RELN: variants seen among roughly 807,000 people sequenced by gnomAD.
RELN encodes the protein reelin.
Under a neutral mutation model 427.6 loss-of-function variants are expected in RELN, and 108 were observed. That is an observed-to-expected ratio of 0.25 (90% confidence interval 0.22 to 0.30). The LOEUF (loss-of-function observed/expected upper bound fraction) is 0.30, where lower values mean the gene tolerates loss of function less well. Among genes scored for constraint, RELN ranks in the 10% least tolerant of loss-of-function variants. The pLI, the probability that RELN is intolerant of heterozygous loss-of-function variation, is 1.00. For synonymous variants in RELN, 1,524 were observed against 1,513.4 expected (o/e 1.01, Z -0.16); for missense variants, 3,715 against 4,302.8 (o/e 0.86, Z 3.82).
intron 20 of RELN, among the ~76,000 whole-genome samples, chr7:103,628,848 G>A (rs187429061): frequency 3.7e-3 from 556 of 152,276 alleles, no homozygotes; most frequent in South Asian, 0.02. Flanking sequence ...GAAGGTTGTG[G>A]GTTTTGGAAT....
rs1296535434 is a variant in RELN at position 103,640,626 on chromosome 7, G to C, written c.2003-17C>G. ...CAATATAAACTGTGGGAGGGAAAAA[G>C]AGAACATAATTACAAAAACATAGAA... On this transcript the variant is annotated splice_polypyrimidine_tract_variant and intron_variant, in intron 16 of 64. Transcript: ENST00000428762. The surrounding 1 kb of genome is among the most constrained non-coding windows in gnomAD (Gnocchi z 4.1). The C allele has an allele frequency of 1.9e-6, 3 of 1,613,052 alleles. No homozygotes were observed. The highest frequency in any genetic ancestry group is 1.1e-5 in the South Asian group (1 of 91,044).
chr7:103,880,420 T>C (rs1011345333), intron 2 of RELN, among the ~76,000 whole-genome samples: 45 of 152,176 alleles, frequency 3.0e-4, no homozygotes, highest in African/African-American at 9.2e-4. Flanking sequence ...CTATTTCAAA[T>C]GTGAGAAAAC....
intron 2 of RELN, among the ~76,000 whole-genome samples, chr7:103,885,322 G>C (rs191577169): frequency 5.0e-4 from 74 of 147,558 alleles, no homozygotes; most frequent in Admixed American, 1.7e-3. Context: ...CTGGGCGACA[G>C]AGCAAGACTC....
At chr7:103,971,476 A>G (rs921021830) in intron 1 of RELN, among the ~76,000 whole-genome samples, 3 of 152,230 alleles carry the variant, frequency 2.0e-5, no homozygotes, top group African/African-American at 7.2e-5. Flanking sequence ...GTAATGAGAC[A>G]GAAAATTATT....
At chr7:103,524,833 T>G (rs923610747) in intron 46 of RELN, among the ~76,000 whole-genome samples, 4 of 152,304 alleles carry the variant, frequency 2.6e-5, no homozygotes, top group African/African-American at 9.6e-5. Context: ...AACTGGTTTC[T>G]CCATAATTTT....
chr7:103,632,019 G>C (rs1347362115), intron 19 of RELN, among the ~76,000 whole-genome samples: 1 of 152,064 alleles, frequency 6.6e-6, no homozygotes, highest in Non-Finnish European at 1.5e-5. Context: ...GGAAAATAAA[G>C]TATTATTTTT....
At chr7:103,889,526 G>A (rs1794798594) in intron 2 of RELN, among the ~76,000 whole-genome samples, 1 of 152,160 alleles carries the variant, frequency 6.6e-6, no homozygotes, top group South Asian at 2.1e-4. Context: ...GGCTACCAGA[G>A]GGAAATCTTT....
chr7:103,722,872 T>C (rs988368809), intron 8 of RELN, among the ~76,000 whole-genome samples: 8 of 152,206 alleles, frequency 5.3e-5, no homozygotes, highest in Non-Finnish European at 1.0e-4. Context: ...AGCCAATGTA[T>C]GCAAAATACA....
intron 1 of RELN, among the ~76,000 whole-genome samples, chr7:103,985,933 C>T (rs898733944): frequency 7.2e-5 from 11 of 152,164 alleles, no homozygotes; most frequent in African/African-American, 2.4e-4. Context: ...GTTCTTGTTT[C>T]CTATTTCCCC....
chr7:103,741,767 C>A (rs1790666193), intron 6 of RELN, among the ~76,000 whole-genome samples: 1 of 150,418 alleles, frequency 6.6e-6, no homozygotes, highest in East Asian at 1.9e-4. Context: ...CCTCTTCACA[C>A]TGCAACTGTA....
At chr7:103,862,460 TA>T (rs1563057168) in intron 2 of RELN, among the ~76,000 whole-genome samples, 8 of 148,272 alleles carry the variant, frequency 5.4e-5, no homozygotes. Context: ...TCTATCTATC[TA>T]TCTATCTTCT....
chr7:103,633,824 T>A (rs1832521247), intron 19 of RELN, among the ~76,000 whole-genome samples: 1 of 152,096 alleles, frequency 6.6e-6, no homozygotes, highest in Non-Finnish European at 1.5e-5. Context: ...GCTTTCATCA[T>A]CATTACCTTG....
intron 8 of RELN, among the ~76,000 whole-genome samples, chr7:103,710,982 T>G (rs956045471): frequency 6.6e-6 from 1 of 152,120 alleles, no homozygotes; most frequent in Non-Finnish European, 1.5e-5. Flanking sequence ...AGGCAAAGGT[T>G]GCAGTGAGCC....
intron 23 of RELN, among the ~76,000 whole-genome samples, chr7:103,604,111 C>T (rs1831746364): frequency 6.6e-6 from 1 of 152,150 alleles, no homozygotes; most frequent in Admixed American, 6.6e-5. Context: ...CGTTGAAGCT[C>T]AGGAGGCCTT....
chr7:103,482,777 C>T, intron 63 of RELN, 96 bp downstream of exon 63: 2 of 1,592,626 alleles, frequency 1.3e-6, no homozygotes, highest in Non-Finnish European at 8.5e-7. Context: ...GGCTTCTCAT[C>T]AAAAACGGAT....
intron 3 of RELN, among the ~76,000 whole-genome samples, chr7:103,828,549 T>C (rs1441266049): frequency 6.6e-6 from 1 of 151,708 alleles, no homozygotes; most frequent in Non-Finnish European, 1.5e-5. Context: ...GATCTTCTTT[T>C]ATGTTCCATT....
chr7:103,746,606 T>C (rs377598975), intron 6 of RELN, among the ~76,000 whole-genome samples: 3 of 152,238 alleles, frequency 2.0e-5, no homozygotes, highest in Non-Finnish European at 2.9e-5. Flanking sequence ...GGGCGAAGGA[T>C]ATGAACAGAC....
At chr7:103,927,452 G>A (rs925054338) in intron 1 of RELN, among the ~76,000 whole-genome samples, 1 of 152,134 alleles carries the variant, frequency 6.6e-6, no homozygotes, top group Non-Finnish European at 1.5e-5. Context: ...ACAGATAGTT[G>A]CTCTAATATG....
intron 22 of RELN, among the ~76,000 whole-genome samples, chr7:103,608,743 T>C (rs1349925964): frequency 6.6e-6 from 1 of 152,280 alleles, no homozygotes; most frequent in South Asian, 2.1e-4. Context: ...TTTCTGACTA[T>C]ACTAAAAATT....
Sources: gnomAD v4.1 joint callset for allele counts (sites outside exome capture counted in the v4.1 genomes callset) on GRCh38, gnomAD v4.1.1 for gene constraint, Gnocchi (gnomAD v3.1) non-coding constraint, MANE v1.5 for transcripts, NCBI Gene and HGNC (gene_info 2026-07-23, HGNC 2026-07-21) for gene names.